The following HEMK1 variants were observed in gnomAD, a reference collection of about 807,000 sequenced individuals.
The protein encoded by HEMK1 is HemK methyltransferase 1, mitochondrial release factors N(5)-glutamine.
In HEMK1, 36 loss-of-function variants were observed where a neutral mutation model predicts 47.9. The observed-to-expected ratio is 0.75, with a 90% CI of 0.58 to 0.99. The LOEUF is 0.99. Ranked by LOEUF, HEMK1 falls within the 50% of genes least tolerant of loss-of-function variation. The pLI is 0.00. For synonymous variants in HEMK1, 153 were observed against 165.4 expected (o/e 0.93, Z 0.57); for missense variants, 383 against 434.5 (o/e 0.88, Z 1.05).
intron 4 of HEMK1, among the ~76,000 whole-genome samples, chr3:50,573,034 A>G (rs972987502): frequency 2.0e-5 from 3 of 152,202 alleles, no homozygotes; most frequent in African/African-American, 7.2e-5. Context: ...TGCTGTGGCC[A>G]GGGGGCCCCA....
intron 6 of HEMK1, 102 bp downstream of exon 6, chr3:50,577,675 G>A (rs984877594): frequency 7.1e-7 from 1 of 1,403,658 alleles, no homozygotes; most frequent in Non-Finnish European, 1.0e-6. Context: ...GAAGCAGTGG[G>A]GTAGCCTGGC....
chr3:50,577,746 G>C, intron 6 of HEMK1, 80 bp from the exon 7 acceptor site: 1 of 1,495,176 alleles, frequency 6.7e-7, no homozygotes, highest in East Asian at 2.3e-5. Context: ...GTCCAAGAAG[G>C]GTTGACTATA....
At chr3:50,570,207 C>G (rs895392942) in intron 1 of HEMK1, 2 of 152,228 alleles carry the variant, frequency 1.3e-5, no homozygotes, top group African/African-American at 2.4e-5. Flanking sequence ...CTACTTGTAT[C>G]TGAAGATGTG....
In HEMK1 at chr3:50,584,213, A is replaced by G. The variant is rs1323945263; in HGVS notation, c.*3796A>G. 3 of 152,272 alleles carry G rather than the reference A, an allele frequency of 2.0e-5. No individual in the cohort carries two copies. Among genetic ancestry groups the G allele is most frequent in the African/African-American group, 7.2e-5 (3 of 41,464 alleles). 9.4% of individuals were successfully genotyped at this position (152,272 alleles called of 1,614,324 possible). A position where few individuals can be genotyped will look rare whatever the true frequency, so the allele number is the denominator to read the frequency against. On this transcript the variant is annotated 3_prime_UTR_variant, in exon 11 of 11. Coordinates refer to ENST00000232854, the MANE Select transcript of HEMK1 (RefSeq NM_016173.5). ...CAGGTTTCCTGGAGCTCTTGGCTTC[A>G]GCCAGCCCCCAGCCAGAGTCCTGGC...
chr3:50,572,212 G>C lies in HEMK1; in HGVS notation c.414+4G>C, dbSNP rs375510780. 15 of 1,609,548 alleles carry C rather than the reference G, an allele frequency of 9.3e-6. No homozygotes were observed. The highest frequency in any genetic ancestry group is 1.3e-5 in the Non-Finnish European group (15 of 1,177,804). On this transcript the variant is annotated splice_donor_region_variant and intron_variant, in intron 4 of 10. Transcript: ENST00000232854. ...TATTCCTCGGCCAGAAACAGAGGTA[G>C]GTGTGCCACCAGGGCAAGGCAGGAT...
chr3:50,579,788 A>G (rs1487929063), intron 8 of HEMK1, 56 bp from the exon 9 acceptor site: 33 of 1,309,308 alleles, frequency 2.5e-5, no homozygotes, highest in Admixed American at 5.4e-5. Context: ...CATGCCCTCC[A>G]TGCATTTCAG....
chr3:50,595,980 T>A lies in HEMK1; in HGVS notation c.*15563T>A, dbSNP rs1488542532. The A allele has an allele frequency of 6.6e-6, 1 of 152,238 alleles. No homozygotes were observed. The highest frequency in any genetic ancestry group is 2.4e-5 in the African/African-American group (1 of 41,450). The allele number at this position is 152,238 out of a possible 1,614,324, so 9.4% of individuals were successfully genotyped here. ...TTTTTAATGTTTAATATTTGGTCCA[T>A]CTAGAATTTATGGTGGAAGGTGTGA... On this transcript the variant is annotated 3_prime_UTR_variant, in exon 11 of 11. Coordinates refer to ENST00000232854, the MANE Select transcript of HEMK1 (RefSeq NM_016173.5).
At position 50,595,799 on chromosome 3, in the gene HEMK1, A is replaced by G. The variant is rs1199064483; in HGVS notation, c.*15382A>G. Reference sequence around the variant, plus strand: ...AAACCCAAGATAGAGAGACAACACTATATAGGCATCGATGTATTTCTGGGG... The same window carrying G: ...AAACCCAAGATAGAGAGACAACACTGTATAGGCATCGATGTATTTCTGGGG... On this transcript the variant is annotated 3_prime_UTR_variant, in exon 11 of 11. Transcript: ENST00000232854. 1.3e-5 allele frequency: 2 copies of G among 152,170 alleles called. No individual in the cohort carries two copies. Among genetic ancestry groups the G allele is most frequent in the Non-Finnish European group, 2.9e-5 (2 of 68,042 alleles). 9.4% of individuals were successfully genotyped at this position (152,170 alleles called of 1,614,324 possible). A position where few individuals can be genotyped will look rare whatever the true frequency, so the allele number is the denominator to read the frequency against.
rs1383312640 is a variant in HEMK1 at position 50,583,648 on chromosome 3, C to T, written c.*3231C>T. On this transcript the variant is annotated 3_prime_UTR_variant, in exon 11 of 11. Transcript: ENST00000232854. Reference sequence around the variant, plus strand: ...CTTTTCTCTTTTTTTTCTTCATTGGCTCCTTCTTAGTGGATTCTCTTCTCT... The same window carrying T: ...CTTTTCTCTTTTTTTTCTTCATTGGTTCCTTCTTAGTGGATTCTCTTCTCT... 1 of 152,256 alleles carries T rather than the reference C, an allele frequency of 6.6e-6. No homozygotes were observed. Among genetic ancestry groups the T allele is most frequent in the Non-Finnish European group, 1.5e-5 (1 of 68,094 alleles). The allele number at this position is 152,256 out of a possible 1,614,324, so 9.4% of individuals were successfully genotyped here. A position where few individuals can be genotyped will look rare whatever the true frequency, so the allele number is the denominator to read the frequency against.
chr3:50,589,374 A>G lies in HEMK1; in HGVS notation c.*8957A>G, dbSNP rs1025852613. 1.3e-5 allele frequency: 2 copies of G among 152,154 alleles called. No homozygotes were observed. Among genetic ancestry groups the G allele is most frequent in the Non-Finnish European group, 2.9e-5 (2 of 68,026 alleles). The allele number at this position is 152,154 out of a possible 1,614,324, so 9.4% of individuals were successfully genotyped here. A position where few individuals can be genotyped will look rare whatever the true frequency, so the allele number is the denominator to read the frequency against. On this transcript the variant is annotated 3_prime_UTR_variant, in exon 11 of 11. Coordinates refer to ENST00000232854, the MANE Select transcript of HEMK1 (RefSeq NM_016173.5). The stretch of plus-strand genomic sequence containing the variant: ...CATAGGAAGGATTCTAATGTGTCAT[A>G]ATTTGGTGCTGTGCCCATTTGAGTC...
Position 50,592,806 on chromosome 3 carries a change from A to C in HEMK1, c.*12389A>C, listed in dbSNP as rs1447216380. 1 of 152,616 alleles carries C rather than the reference A, an allele frequency of 6.6e-6. No homozygotes were observed. Among genetic ancestry groups the C allele is most frequent in the African/African-American group, 2.4e-5 (1 of 41,458 alleles). The allele number at this position is 152,616 out of a possible 1,614,324, so 9.5% of individuals were successfully genotyped here. ...GGTCCTGTGCGCCCTCCAAGGGCAG[A>C]GGAGGCTGCTGGCTGTGGCTGTGGG... is the stretch of plus-strand genomic sequence containing the variant. On this transcript the variant is annotated 3_prime_UTR_variant, in exon 11 of 11. Transcript: ENST00000232854.
At chr3:50,576,442 C>G (rs2107467108) in intron 4 of HEMK1, among the ~76,000 whole-genome samples, 1 of 152,312 alleles carries the variant, frequency 6.6e-6, no homozygotes, top group Middle Eastern at 3.4e-3. Flanking sequence ...CTCTGTCTCC[C>G]AGGCTGGAGT....
In HEMK1 at chr3:50,579,914, G is replaced by T. The variant is rs766469655; in HGVS notation, c.841G>T (p.Ala281Ser). 1.2e-6 allele frequency: 2 copies of T among 1,613,858 alleles called. No homozygotes were observed. The highest frequency in any genetic ancestry group is 1.7e-6 in the Non-Finnish European group (2 of 1,179,928). ...CATCATTACCCACATTCTGGCCTTG[G>T]CACCCCGGCTCCTGAAAGACTCTGG... ...MDIITHILAL[A>S]PRLLKDSGSI... Residue 281 changes from alanine to serine, a missense_variant, in exon 9 of 11, where the codon GCA (alanine) becomes TCA (serine). Transcript: ENST00000232854.
chr3:50,595,803 A>C lies in HEMK1; in HGVS notation c.*15386A>C, dbSNP rs571870624. On this transcript the variant is annotated 3_prime_UTR_variant, in exon 11 of 11. Transcript: ENST00000232854. ...CCAAGATAGAGAGACAACACTATAT[A>C]GGCATCGATGTATTTCTGGGGTGAC... is the stretch of plus-strand genomic sequence containing the variant. 3 of 152,308 alleles carry C rather than the reference A, an allele frequency of 2.0e-5. No homozygotes were observed. The South Asian group carries it at 6.2e-4, about 32-fold the overall frequency. The allele number at this position is 152,308 out of a possible 1,614,324, so 9.4% of individuals were successfully genotyped here.
intron 9 of HEMK1, 54 bp from the exon 10 acceptor site, chr3:50,580,062 A>C: frequency 6.4e-7 from 1 of 1,553,260 alleles, no homozygotes; most frequent in Non-Finnish European, 8.9e-7. Flanking sequence ...AGCAGCCCAG[A>C]AGGGCAGGCG....
rs1360735951 is a variant in HEMK1, at chr3:50,583,919, C to G, written c.*3502C>G. 2 of 152,280 alleles carry G rather than the reference C, an allele frequency of 1.3e-5. No individual in the cohort carries two copies. Among genetic ancestry groups the G allele is most frequent in the African/African-American group, 4.8e-5 (2 of 41,442 alleles). 9.4% of individuals were successfully genotyped at this position (152,280 alleles called of 1,614,324 possible). ...GGGGCCCCCTGTGGATCTGGCATAC[C>G]CAAGTTCAGTAAATGTCTATCAGTA... On this transcript the variant is annotated 3_prime_UTR_variant, in exon 11 of 11. Transcript: ENST00000232854.
In HEMK1 at chr3:50,580,383, C is replaced by T. The variant is rs754494508; in HGVS notation, c.983C>T (p.Pro328Leu). 2 of 1,614,166 alleles carry T rather than the reference C, an allele frequency of 1.2e-6. No individual in the cohort carries two copies. Among genetic ancestry groups the T allele is most frequent in the Non-Finnish European group, 1.7e-6 (2 of 1,180,018 alleles). ...VAVRRDFCGR[P>L]RFLHIRRSGP ...AGCCCCTGTCCCTGTCTCCTCAGGC[C>T]CCGGTTCCTGCATATCCGGAGGTCT... The change falls in exon 11 of 11, where the codon CCC becomes CTC. Residue 328 changes from proline (P) to leucine (L), a missense_variant and splice_region_variant. Coordinates refer to ENST00000232854, the MANE Select transcript of HEMK1 (RefSeq NM_016173.5).
intron 8 of HEMK1, 146 bp from the exon 9 acceptor site, chr3:50,579,698 C>G: frequency 1.6e-6 from 1 of 609,400 alleles, no homozygotes; most frequent in Non-Finnish European, 2.9e-6. Flanking sequence ...CCATTTGGGG[C>G]CCTCCTTCTC....
rs1235779545 is a variant in HEMK1, at chr3:50,580,025, G to A, written c.866+86G>A. 3 of 1,521,996 alleles carry A rather than the reference G, an allele frequency of 2.0e-6. No individual in the cohort carries two copies. The African/African-American group carries it at 4.1e-5, about 21-fold the overall frequency. 94.3% of individuals were successfully genotyped at this position (1,521,996 alleles called of 1,614,324 possible). On this transcript the variant is annotated intron_variant, in intron 9 of 10. Transcript: ENST00000232854. ...ACTGGGCAGGCCCTGGCAGAGGTCA[G>A]CACAGGACCCTCACCTCGCCAGCCC... is the stretch of plus-strand genomic sequence containing the variant.
Sources: allele counts gnomAD v4.1 joint callset (sites outside exome capture counted in the v4.1 genomes callset), GRCh38; gene constraint gnomAD v4.1.1; transcripts MANE v1.5; gene names NCBI Gene and HGNC (gene_info 2026-07-23, HGNC 2026-07-21).